NRXN3: variants seen among roughly 807,000 people sequenced by gnomAD.
The protein encoded by NRXN3 is neurexin 3, also known as neurexin III.
NRXN3 carries 32 observed loss-of-function variants against 137.6 expected under a neutral mutation model. That is an observed-to-expected ratio of 0.23 (90% CI 0.18 to 0.31). The LOEUF (loss-of-function observed/expected upper bound fraction) is 0.31, where lower values mean the gene tolerates loss of function less well. NRXN3 is among the 10% of genes least tolerant of loss of function. The pLI, the probability that NRXN3 is intolerant of heterozygous loss-of-function variation, is 1.00. For synonymous variants in NRXN3, 798 were observed against 784.5 expected (o/e 1.02, Z -0.29); for missense variants, 1,574 against 2,062.5 (o/e 0.76, Z 4.59).
intron 15 of NRXN3, chr14:79,248,605 A>C (rs1229364013): frequency 6.6e-6 from 1 of 151,998 alleles, no homozygotes; most frequent in African/African-American, 2.4e-5. Flanking sequence ...ACCTTTCTGG[A>C]TGTCTCTTTC....
intron 20 of NRXN3, among the ~76,000 whole-genome samples, chr14:79,831,143 G>A (rs2099322017): frequency 6.6e-6 from 1 of 152,146 alleles, no homozygotes; most frequent in African/African-American, 2.4e-5. Flanking sequence ...AATTGGGGGT[G>A]ATGAGAGAAT....
chr14:79,047,096 T>C (rs1213717373), intron 15 of NRXN3, among the ~76,000 whole-genome samples: 1 of 151,414 alleles, frequency 6.6e-6, no homozygotes, highest in Non-Finnish European at 1.5e-5. Context: ...TTATTTCATC[T>C]AGTTGAATTT....
chr14:79,110,562 A>G (rs1035325088), intron 15 of NRXN3, among the ~76,000 whole-genome samples: 9 of 152,300 alleles, frequency 5.9e-5, no homozygotes, highest in African/African-American at 2.2e-4. Flanking sequence ...TACTTGCTAA[A>G]TAGATGGATG....
rs1266247108 is a variant in NRXN3 at position 78,714,929 on chromosome 14, C to T, written c.1834C>T (p.Arg612Cys). 1 of 1,614,152 alleles carries T rather than the reference C, an allele frequency of 6.2e-7. No homozygotes were observed. The highest frequency in any genetic ancestry group is 1.1e-5 in the South Asian group (1 of 91,080). ...MLNYGYVGCI[R>C]DLFIDGRSKN... ...CAACTATGGCTACGTGGGCTGCATC[C>T]GCGACCTATTCATTGATGGGCGCAG... The change falls in exon 8 of 21, where the codon CGC (arginine) becomes TGC (cysteine). Residue 612 changes from arginine to cysteine, a missense_variant. This residue lies in a region of NRXN3 where 718 missense variants were observed against 887.6 expected (regional missense o/e 0.81). Transcript: ENST00000335750.
At chr14:79,625,593 C>G (rs1404764866) in intron 16 of NRXN3, among the ~76,000 whole-genome samples, 1 of 149,456 alleles carries the variant, frequency 6.7e-6, no homozygotes, top group Non-Finnish European at 1.5e-5. Flanking sequence ...ATTCCCTGAA[C>G]TTCACTCTAT....
At chr14:78,798,864 G>GC (rs1281750255) in intron 8 of NRXN3, among the ~76,000 whole-genome samples, 1 of 152,190 alleles carries the variant, frequency 6.6e-6, no homozygotes, top group African/African-American at 2.4e-5. Flanking sequence ...CTCTACCTTG[G>GC]CCCCTTTTAG....
chr14:79,276,568 A>G (rs1365587517), intron 15 of NRXN3, among the ~76,000 whole-genome samples: 1 of 152,238 alleles, frequency 6.6e-6, no homozygotes, highest in African/African-American at 2.4e-5. Context: ...GTGATGCACC[A>G]GCAGCATTTC....
At chr14:78,317,148 A>G (rs2078800111) in intron 4 of NRXN3, among the ~76,000 whole-genome samples, 1 of 152,180 alleles carries the variant, frequency 6.6e-6, no homozygotes, top group Non-Finnish European at 1.5e-5. Flanking sequence ...TGAGGGCAGG[A>G]GAAGACTGAT....
rs745416675 is a variant in NRXN3, at chr14:79,549,820, A to G, written c.3444+82418A>G. On this transcript the variant is annotated intron_variant, in intron 16 of 20. Coordinates refer to ENST00000335750, the MANE Select transcript of NRXN3 (RefSeq NM_001330195.2). ...AAATCCCCAAATTCTATTGAGCCAC[A>G]TCTGTCTACCGAGGGGCTCTGCGGT... Among the ~76,000 whole-genome samples, 5 of 152,132 alleles carry G rather than the reference A, an allele frequency of 3.3e-5. No homozygotes were observed. In the East Asian group the frequency reaches 9.7e-4, roughly 29 times the overall value.
chr14:79,437,590 T>G (rs1325581929), intron 15 of NRXN3, among the ~76,000 whole-genome samples: 1 of 152,176 alleles, frequency 6.6e-6, no homozygotes, highest in East Asian at 1.9e-4. Context: ...TCTAGGGTAG[T>G]AGAAAAGATG....
At chr14:79,242,358 A>T (rs1231538110) in intron 15 of NRXN3, among the ~76,000 whole-genome samples, 1 of 152,168 alleles carries the variant, frequency 6.6e-6, no homozygotes, top group Non-Finnish European at 1.5e-5. Context: ...AGAAAACAGG[A>T]GTCCTGGGCC....
At chr14:78,560,513 C>T (rs1161346426) in intron 4 of NRXN3, among the ~76,000 whole-genome samples, 1 of 152,188 alleles carries the variant, frequency 6.6e-6, no homozygotes, top group Non-Finnish European at 1.5e-5. Context: ...ACTGTATAAC[C>T]TTTCTCCAAG....
intron 4 of NRXN3, among the ~76,000 whole-genome samples, chr14:78,438,149 A>C (rs2094133254): frequency 6.6e-6 from 1 of 152,148 alleles, no homozygotes; most frequent in Non-Finnish European, 1.5e-5. Flanking sequence ...AAGGAAAATT[A>C]ATTGAGAATC....
At chr14:78,810,113 G>A (rs911803576) in intron 9 of NRXN3, among the ~76,000 whole-genome samples, 2 of 150,842 alleles carry the variant, frequency 1.3e-5, no homozygotes, top group African/African-American at 2.4e-5. Context: ...GTGTGTGTGT[G>A]TATATATATA....
At chr14:78,998,836 T>C (rs1481709947) in intron 15 of NRXN3, among the ~76,000 whole-genome samples, 1 of 150,172 alleles carries the variant, frequency 6.7e-6, no homozygotes, top group African/African-American at 2.5e-5. Flanking sequence ...ACTCCTGTCC[T>C]GAAGTGATCC....
At chr14:79,095,570 T>C (rs577585601) in intron 15 of NRXN3, among the ~76,000 whole-genome samples, 2 of 146,464 alleles carry the variant, frequency 1.4e-5, no homozygotes, top group African/African-American at 5.0e-5. Flanking sequence ...TTTTTTTTTT[T>C]ACCAGGCAAT....
chr14:79,791,759 A>G (rs1200724250), intron 19 of NRXN3, among the ~76,000 whole-genome samples: 2 of 151,948 alleles, frequency 1.3e-5, no homozygotes, highest in Non-Finnish European at 2.9e-5. Context: ...TCGTTTTATC[A>G]AGAATAGAAC....
intron 15 of NRXN3, among the ~76,000 whole-genome samples, chr14:79,224,875 G>A (rs1464903724): frequency 6.6e-6 from 1 of 152,198 alleles, no homozygotes; most frequent in Non-Finnish European, 1.5e-5. Flanking sequence ...ACAGCTAGAA[G>A]ACTATGGCCA....
intron 4 of NRXN3, among the ~76,000 whole-genome samples, chr14:78,531,341 A>C (rs2096458986): frequency 6.6e-6 from 1 of 152,156 alleles, no homozygotes; most frequent in Admixed American, 6.5e-5. Context: ...CAATCTTCTC[A>C]GTGTCTAATT....
Sources: allele counts gnomAD v4.1 joint callset (sites outside exome capture counted in the v4.1 genomes callset), GRCh38; gene constraint gnomAD v4.1.1; regional missense constraint gnomAD v4.1.1; transcripts MANE v1.5; gene names NCBI Gene and HGNC (gene_info 2026-07-23, HGNC 2026-07-21).